Variants in PARD3 observed in about 807,000 individuals in gnomAD.
PARD3 encodes partitioning defective 3 homolog.
Under a neutral mutation model 155.4 loss-of-function variants are expected in PARD3, and 75 were observed. The ratio of observed to expected loss-of-function variants is 0.48; its 90% CI spans 0.40 to 0.58. The LOEUF is 0.58. Ranked by LOEUF, PARD3 falls within the 20% of genes least tolerant of loss-of-function variation. The probability of loss-of-function intolerance (pLI) is 0.00; values close to 1 mark genes in which losing one functional copy is unlikely to be tolerated. For synonymous variants in PARD3, 576 were observed against 610.5 expected, an observed-to-expected ratio of 0.94 and a Z score of 0.83; for missense variants, 1,642 against 1,721.7, an observed-to-expected ratio of 0.95 and a Z score of 0.82.
chr10:34,265,549 C>CT (rs1448102070), intron 22 of PARD3, among the ~76,000 whole-genome samples: 1 of 152,204 alleles, frequency 6.6e-6, no homozygotes, highest in Non-Finnish European at 1.5e-5. Flanking sequence ...GTAAAGGTCA[C>CT]TGGACACCAA....
intron 2 of PARD3, among the ~76,000 whole-genome samples, chr10:34,671,389 T>C (rs2093608095): frequency 6.6e-6 from 1 of 152,200 alleles, no homozygotes; most frequent in African/African-American, 2.4e-5. Context: ...TTAAATAGGA[T>C]GCATTTAAAA....
At chr10:34,657,101 C>CA (rs1449819068) in intron 2 of PARD3, among the ~76,000 whole-genome samples, 2 of 151,974 alleles carry the variant, frequency 1.3e-5, no homozygotes, top group African/African-American at 2.4e-5. Context: ...TTGGCAATTG[C>CA]ATAAATAAGA....
chr10:34,738,202 A>T (rs1033844191), intron 1 of PARD3, among the ~76,000 whole-genome samples: 1 of 152,230 alleles, frequency 6.6e-6, no homozygotes, highest in Non-Finnish European at 1.5e-5. Flanking sequence ...TAACCATCCT[A>T]CATGATACAT....
intron 21 of PARD3, among the ~76,000 whole-genome samples, chr10:34,283,592 A>G (rs1956252730): frequency 6.6e-6 from 1 of 152,160 alleles, no homozygotes; most frequent in South Asian, 2.1e-4. Context: ...AGACATGGAA[A>G]ACTTAAGTGG....
chr10:34,373,053 A>T (rs115562195), intron 11 of PARD3, among the ~76,000 whole-genome samples: 34 of 152,094 alleles, frequency 2.2e-4, no homozygotes, highest in African/African-American at 7.7e-4. Context: ...ATGATTTATT[A>T]AAAAAAGGCA....
chr10:34,338,851 CAA>C (rs1467970198), intron 16 of PARD3, among the ~76,000 whole-genome samples: 1 of 152,200 alleles, frequency 6.6e-6, no homozygotes, highest in Non-Finnish European at 1.5e-5. Context: ...AAAAAGCTAA[CAA>C]GAGAATTCAG....
intron 21 of PARD3, among the ~76,000 whole-genome samples, chr10:34,272,347 G>C (rs565032052): frequency 1.3e-5 from 2 of 152,188 alleles, no homozygotes; most frequent in South Asian, 4.1e-4. Flanking sequence ...TCTGTGAAAA[G>C]CTCTAATTAG....
chr10:34,544,567 T>G (rs758124158), intron 2 of PARD3, among the ~76,000 whole-genome samples: 7 of 152,174 alleles, frequency 4.6e-5, no homozygotes, highest in Non-Finnish European at 5.9e-5. Flanking sequence ...TCCCTCCCAG[T>G]AGCACCAGCA....
chr10:34,620,593 A>G (rs1485660745), intron 2 of PARD3, among the ~76,000 whole-genome samples: 2 of 152,262 alleles, frequency 1.3e-5, no homozygotes, highest in Non-Finnish European at 2.9e-5. Context: ...GGAGCATTAC[A>G]TCAACCTTGA....
At chr10:34,489,506 A>C (rs750206479) in intron 3 of PARD3, among the ~76,000 whole-genome samples, 15 of 152,226 alleles carry the variant, frequency 9.9e-5, no homozygotes, top group Non-Finnish European at 7.3e-5. Context: ...TTCCAGTTTC[A>C]AATTAATTCC....
intron 1 of PARD3, among the ~76,000 whole-genome samples, chr10:34,741,192 TTTG>T: frequency 1.4e-5 from 2 of 143,556 alleles, no homozygotes; most frequent in Admixed American, 7.0e-5. Flanking sequence ...TTTTTTTTTT[TTTG>T]TTTGAGAGAG....
chr10:34,580,772 T>A (rs1450496815), intron 2 of PARD3, among the ~76,000 whole-genome samples: 1 of 152,152 alleles, frequency 6.6e-6, no homozygotes, highest in Non-Finnish European at 1.5e-5. Context: ...AACCACAGAT[T>A]ACAATAGCAG....
intron 1 of PARD3, among the ~76,000 whole-genome samples, chr10:34,728,801 A>C (rs1236185658): frequency 6.6e-6 from 1 of 152,228 alleles, no homozygotes; most frequent in Non-Finnish European, 1.5e-5. Flanking sequence ...CTCATATTTA[A>C]TGTAATATTC....
intron 5 of PARD3, among the ~76,000 whole-genome samples, chr10:34,432,851 AAAAACCCATC>A (rs2076016005): frequency 6.6e-6 from 1 of 152,196 alleles, no homozygotes; most frequent in South Asian, 2.1e-4. Context: ...AAGAGCATGT[AAAAACCCATC>A]CAGAGAAATG....
intron 2 of PARD3, among the ~76,000 whole-genome samples, chr10:34,618,498 T>C (rs1262014651): frequency 6.6e-6 from 1 of 151,998 alleles, no homozygotes; most frequent in Non-Finnish European, 1.5e-5. Context: ...CAGGTAAAAA[T>C]GAGAAAGTGA....
At chr10:34,601,205 C>T (rs1205941464) in intron 2 of PARD3, among the ~76,000 whole-genome samples, 4 of 150,724 alleles carry the variant, frequency 2.7e-5, no homozygotes, top group South Asian at 2.1e-4. Context: ...AGAAGGATCA[C>T]GCCTGAGGGC....
rs1461044883 is a variant in PARD3 at position 34,225,207 on chromosome 10, G to A, written c.3419+44450C>T. Among the ~76,000 whole-genome samples the A allele has an allele frequency of 5.3e-5, 8 of 152,134 alleles. No homozygotes were observed. In the East Asian group the frequency reaches 1.5e-3, roughly 29 times the overall value. On this transcript the variant is annotated intron_variant, in intron 22 of 24. Coordinates refer to ENST00000374788, the MANE Select transcript of PARD3 (RefSeq NM_001184785.2). ...ATTTCATATTCAACAACAGACAAAT[G>A]TACACAGAGATAAGTAGGAGGAAGC...
chr10:34,577,899 T>C (rs903001502), intron 2 of PARD3, among the ~76,000 whole-genome samples: 4 of 151,854 alleles, frequency 2.6e-5, no homozygotes, highest in African/African-American at 7.3e-5. Context: ...TCAACCAAGC[T>C]GGAGGGCAGG....
intron 2 of PARD3, among the ~76,000 whole-genome samples, chr10:34,689,870 T>C (rs2094019367): frequency 1.3e-5 from 2 of 152,200 alleles, no homozygotes; most frequent in South Asian, 4.1e-4. Context: ...AGTTGCTGAA[T>C]AACACATTAT....
Sources: gnomAD v4.1 joint callset for allele counts (sites outside exome capture counted in the v4.1 genomes callset) on GRCh38, gnomAD v4.1.1 for gene constraint, MANE v1.5 for transcripts, NCBI Gene and HGNC (gene_info 2026-07-23, HGNC 2026-07-21) for gene names.